Variants in ZC3H7A observed in about 807,000 individuals in gnomAD.
ZC3H7A encodes zinc finger CCCH domain-containing protein 7A.
ZC3H7A carries 44 observed loss-of-function variants against 125.5 expected under a neutral mutation model. That is an observed-to-expected ratio of 0.35 (90% confidence interval 0.28 to 0.45). ZC3H7A has a LOEUF of 0.45. ZC3H7A is among the 20% of genes least tolerant of loss of function. The pLI is 1.00. For synonymous variants in ZC3H7A, 399 were observed against 391.2 expected, an observed-to-expected ratio of 1.02 and a Z score of -0.23; for missense variants, 977 against 1,170.7, an observed-to-expected ratio of 0.83 and a Z score of 2.41.
Position 11,763,659 on chromosome 16 carries a change from C to T in ZC3H7A, c.1821G>A (p.Lys607=), listed in dbSNP as rs2052792738. The change falls in exon 16 of 23, where the codon AAG becomes AAA. Residue 607 remains lysine (K), a splice_region_variant and synonymous_variant. Coordinates refer to ENST00000355758, the MANE Select transcript of ZC3H7A (RefSeq NM_014153.4). ...TCTCTCGCAAAATGTGGACAAGGCA[C>T]CTAAGATGAAAACAGTGACATTTTA... The part of the protein sequence containing the change: ...PVTKHEFEDN[K]CLVHILRETT... 1.3e-6 allele frequency: 2 copies of T among 1,522,258 alleles called. No individual in the cohort carries two copies. Among genetic ancestry groups the T allele is most frequent in the Non-Finnish European group, 1.8e-6 (2 of 1,130,904 alleles). 94.3% of individuals were successfully genotyped at this position (1,522,258 alleles called of 1,614,324 possible).
At chr16:11,790,831 G>A (rs2053338360) in intron 1 of ZC3H7A, among the ~76,000 whole-genome samples, 1 of 151,706 alleles carries the variant, frequency 6.6e-6, no homozygotes, top group African/African-American at 2.4e-5. Flanking sequence ...AGCCAAGATT[G>A]CGCCACTGCA....
chr16:11,767,417 C>G lies in ZC3H7A; in HGVS notation c.1522G>C (p.Asp508His), dbSNP rs1237861448. Reference sequence around the variant, plus strand: ...CTAATTAAGTAATTACAGTACATACCTTTACATATATAATATGGTCCTTCA... The same window carrying G: ...CTAATTAAGTAATTACAGTACATACGTTTACATATATAATATGGTCCTTCA... ...NYEGPYYICK[D>H]VAAEEECRYS... Residue 508 changes from aspartate to histidine, a missense_variant and splice_region_variant, in exon 13 of 23, where the codon GAT (aspartate) becomes CAT (histidine). Around this residue, in one of 3 missense-constraint regions of ZC3H7A, gnomAD observed 436 missense variants for 603.2 expected, o/e 0.72. Transcript: ENST00000355758. 1.3e-6 allele frequency: 2 copies of G among 1,570,428 alleles called. No homozygotes were observed. Among genetic ancestry groups the G allele is most frequent in the Non-Finnish European group, 1.7e-6 (2 of 1,146,824 alleles).
chr16:11,768,968 G>A (rs577431504), intron 11 of ZC3H7A, 63 bp downstream of exon 11: 33 of 1,469,446 alleles, frequency 2.2e-5, no homozygotes, highest in Admixed American at 6.3e-5. Context: ...CAAATAACTC[G>A]GTTACTTAAG....
Position 11,774,424 on chromosome 16 carries a change from C to G in ZC3H7A, c.715G>C (p.Val239Leu). The G allele has an allele frequency of 6.2e-7, 1 of 1,611,802 alleles. No homozygotes were observed. Among genetic ancestry groups the G allele is most frequent in the Non-Finnish European group, 8.5e-7 (1 of 1,178,406 alleles). ...EVGSELASVPVMPLTSILPLQ... is the reference protein window; with the variant it reads ...EVGSELASVPLMPLTSILPLQ... ...GGCAAAATAGAAGTTAAGGGCATAACAGGAACTGAGGCCAGCTCACTTCCA... is the reference window on the plus strand; with the variant it reads ...GGCAAAATAGAAGTTAAGGGCATAAGAGGAACTGAGGCCAGCTCACTTCCA... Residue 239 changes from valine to leucine, a missense_variant, in exon 9 of 23, where the codon GTT (valine) becomes CTT (leucine). Physicochemically the swap from Val to Leu is conservative, Grantham distance 32 (BLOSUM62 1). Transcript: ENST00000355758.
In ZC3H7A at chr16:11,776,492, T is replaced by G; in HGVS notation, c.506A>C (p.Lys169Thr). 1 of 1,612,016 alleles carries G rather than the reference T, an allele frequency of 6.2e-7. No individual in the cohort carries two copies. ...VIKLTQELAQ[K>T]LGFKIRKAYV... ...CGCTTTTCTTATTTTAAATCCCAAT[T>G]TCTGAGCTAGTTCTTGAGTTAGTTT... Residue 169 changes from lysine (K) to threonine (T), a missense_variant, in exon 6 of 23, where the codon AAA (lysine) becomes ACA (threonine). Physicochemically the swap from Lys to Thr is moderately conservative, Grantham distance 78. Transcript: ENST00000355758.
At chr16:11,779,674 A>G (rs1055680668) in intron 3 of ZC3H7A, among the ~76,000 whole-genome samples, 1 of 152,214 alleles carries the variant, frequency 6.6e-6, no homozygotes, top group African/African-American at 2.4e-5. Flanking sequence ...GTCAAAGAGA[A>G]TGAATAGTTT....
chr16:11,774,478 A>G lies in ZC3H7A; in HGVS notation c.661T>C (p.Leu221=). 6.3e-7 allele frequency: 1 copy of G among 1,581,324 alleles called. No homozygotes were observed. Among genetic ancestry groups the G allele is most frequent in the Non-Finnish European group, 8.6e-7 (1 of 1,160,994 alleles). Residue 221 remains leucine, a synonymous_variant, in exon 9 of 23, where the codon TTA becomes CTA. Coordinates refer to ENST00000355758, the MANE Select transcript of ZC3H7A (RefSeq NM_014153.4). The part of the protein sequence containing the change: ...PRQEAVPVVS[L]PAPSFSHEVG... ...TCATGAGAAAAACTGGGTGCCGGTA[A>G]AGAGACAACAGGAACTGCTTCTTGC...
At chr16:11,777,848 C>A (rs1420089764) in intron 4 of ZC3H7A, among the ~76,000 whole-genome samples, 1 of 151,592 alleles carries the variant, frequency 6.6e-6, no homozygotes, top group African/African-American at 2.4e-5. Context: ...GGAGACACCC[C>A]GTCTCTACTA....
Position 11,782,310 on chromosome 16 carries a change from A to G in ZC3H7A, c.45T>C (p.Ile15=), listed in dbSNP as rs1322452597. The change falls in exon 2 of 23, where the codon ATT becomes ATC. Residue 15 remains isoleucine (I), a synonymous_variant. Coordinates refer to ENST00000355758, the MANE Select transcript of ZC3H7A (RefSeq NM_014153.4). ...SEERRKRQQN[I]KEGLQFIQSP... ...ACTGTATAAACTGCAGTCCTTCCTT[A>G]ATGTTCTGCTGCCTTTTTCTTCTCT... 6.2e-7 allele frequency: 1 copy of G among 1,614,184 alleles called. No individual in the cohort carries two copies. The highest frequency in any genetic ancestry group is 8.5e-7 in the Non-Finnish European group (1 of 1,180,034).
intron 1 of ZC3H7A, among the ~76,000 whole-genome samples, chr16:11,784,419 A>AT (rs1444399290): frequency 1.3e-5 from 2 of 152,168 alleles, no homozygotes; most frequent in African/African-American, 2.4e-5. Flanking sequence ...AAAGAAAAAG[A>AT]TTTTTTAAAT....
intron 1 of ZC3H7A, among the ~76,000 whole-genome samples, chr16:11,795,896 G>A (rs2053429041): frequency 6.6e-6 from 1 of 152,142 alleles, no homozygotes. Flanking sequence ...TCAATCTCCT[G>A]GGCTCAAGGG....
chr16:11,756,454 A>G (rs763380373), intron 20 of ZC3H7A, 84 bp from the exon 21 acceptor site: 6 of 1,534,598 alleles, frequency 3.9e-6, no homozygotes, highest in Non-Finnish European at 5.3e-6. Flanking sequence ...TGTAGCAGTC[A>G]GCATACAGTT....
At chr16:11,780,189 T>A (rs924281919) in intron 3 of ZC3H7A, among the ~76,000 whole-genome samples, 1 of 151,626 alleles carries the variant, frequency 6.6e-6, no homozygotes, top group African/African-American at 2.4e-5. Context: ...TGGCACGATC[T>A]CGGCTCTCTG....
At chr16:11,762,810 G>A (rs760623377) in intron 16 of ZC3H7A, 63 bp from the exon 17 acceptor site, 4 of 1,537,386 alleles carry the variant, frequency 2.6e-6, no homozygotes, top group Non-Finnish European at 3.6e-6. Context: ...ACCAATCTGG[G>A]TGCAGTCAGA....
In ZC3H7A at chr16:11,751,513, G is replaced by A; in HGVS notation, c.2727-7C>T. The A allele has an allele frequency of 6.2e-7, 1 of 1,610,212 alleles. No homozygotes were observed. The highest frequency in any genetic ancestry group is 8.5e-7 in the Non-Finnish European group (1 of 1,178,652). ...GCAGGTGCCATTCATATACCTGTAA[G>A]GAGAAGTCAGCTGCTCAGTGTCCAT... On this transcript the variant is annotated splice_polypyrimidine_tract_variant and splice_region_variant and intron_variant, in intron 22 of 22. Coordinates refer to ENST00000355758, the MANE Select transcript of ZC3H7A (RefSeq NM_014153.4).
chr16:11,769,246 G>C (rs535966205), intron 10 of ZC3H7A, 151 bp from the exon 11 acceptor site: 9 of 518,418 alleles, frequency 1.7e-5, no homozygotes, highest in Admixed American at 1.3e-4. Flanking sequence ...CACCCAAAGA[G>C]GGCTCTAGAG....
chr16:11,790,353 C>T (rs547781420), intron 1 of ZC3H7A, among the ~76,000 whole-genome samples: 2 of 152,262 alleles, frequency 1.3e-5, no homozygotes, highest in South Asian at 4.1e-4. Flanking sequence ...TCTGTACTTC[C>T]TTGTCTGTGA....
intron 5 of ZC3H7A, 63 bp from the exon 6 acceptor site, chr16:11,776,595 C>T (rs758110300): frequency 1.3e-5 from 20 of 1,522,402 alleles, no homozygotes; most frequent in Non-Finnish European, 1.6e-5. Flanking sequence ...GAAGAATAGA[C>T]AAAACAGGGA....
At chr16:11,752,183 G>A (rs2052565195) in intron 22 of ZC3H7A, among the ~76,000 whole-genome samples, 1 of 152,208 alleles carries the variant, frequency 6.6e-6, no homozygotes, top group African/African-American at 2.4e-5. Flanking sequence ...TGGGATTACA[G>A]GCGTAGCCAC....
Sources: allele counts gnomAD v4.1 joint callset (sites outside exome capture counted in the v4.1 genomes callset), GRCh38; gene constraint gnomAD v4.1.1; regional missense constraint gnomAD v4.1.1; transcripts MANE v1.5; gene names NCBI Gene and HGNC (gene_info 2026-07-23, HGNC 2026-07-21).